C1orf141: variants seen among roughly 807,000 people sequenced by gnomAD.
The protein encoded by C1orf141 is chromosome 1 open reading frame 141, also known as uncharacterized protein C1orf141.
Under a neutral mutation model 23.2 loss-of-function variants are expected in C1orf141, and 19 were observed. The observed-to-expected ratio is 0.82, with a 90% CI of 0.57 to 1.20. C1orf141 has a LOEUF of 1.20. Ranked by LOEUF, C1orf141 falls within the 50% of genes most tolerant of loss-of-function variation. The pLI is 0.00. For synonymous variants in C1orf141, 153 were observed against 154.6 expected (o/e 0.99, Z 0.08); for missense variants, 469 against 455.1 (o/e 1.03, Z -0.28).
At chr1:67,131,786 CTTTTTTTTTT>C (rs796496335) in intron 1 of C1orf141, among the ~76,000 whole-genome samples, 7 of 121,516 alleles carry the variant, frequency 5.8e-5, no homozygotes, top group Admixed American at 2.6e-4. Flanking sequence ...ACTACCTCTT[CTTTTTTTTTT>C]TTTTTTTTTT....
rs72933970 is a variant in C1orf141, at chr1:67,095,407, T to C, written c.431A>G (p.Gln144Arg). The C allele has an allele frequency of 0.053, 81,241 of 1,527,058 alleles. 3,465 individuals carry two copies. The highest frequency in any genetic ancestry group is 0.22 in the African/African-American group (15,423 of 71,274). 94.6% of individuals were successfully genotyped at this position (1,527,058 alleles called of 1,614,324 possible). Residue 144 changes from glutamine to arginine, a missense_variant, in exon 7 of 8, where the codon CAG (glutamine) becomes CGG (arginine). Gln to Arg is a conservative substitution (Grantham distance 43, BLOSUM62 1). Transcript: ENST00000684719. ...TTCTTTTATATTAAAATCGTTCATC[T>C]GTGGAGATTTTTTTCTGAAAATAAA... Reference protein sequence around the residue: ...GDRNKRKKSPQMNDFNIKENK... With the variant: ...GDRNKRKKSPRMNDFNIKENK...
chr1:67,132,118 T>A (rs1646526327), intron 1 of C1orf141, among the ~76,000 whole-genome samples: 2 of 151,744 alleles, frequency 1.3e-5, no homozygotes, highest in Admixed American at 1.3e-4. Flanking sequence ...TCATTCCTTG[T>A]CTCGGTGACA....
upstream of C1orf141, among the ~76,000 whole-genome samples, chr1:67,136,464 T>A (rs1241585660): frequency 2.0e-5 from 3 of 152,232 alleles, no homozygotes; most frequent in African/African-American, 7.2e-5. Flanking sequence ...TTGTAATACC[T>A]TCAGCTCAAA....
chr1:67,099,753 G>A (rs1236843412), intron 5 of C1orf141, among the ~76,000 whole-genome samples: 1 of 152,158 alleles, frequency 6.6e-6, no homozygotes, highest in Non-Finnish European at 1.5e-5. Context: ...TCCAGCCTGG[G>A]CAACAAAAGT....
intron 5 of C1orf141, among the ~76,000 whole-genome samples, chr1:67,108,303 T>C (rs1645980041): frequency 6.6e-6 from 1 of 152,156 alleles, no homozygotes; most frequent in Non-Finnish European, 1.5e-5. Flanking sequence ...TATTGCTGTG[T>C]CCTCACATGG....
rs530682004 is a variant in C1orf141 at position 67,114,452 on chromosome 1, A to G, written c.346+900T>C. On this transcript the variant is annotated intron_variant, in intron 5 of 7. Coordinates refer to ENST00000684719, the MANE Select transcript of C1orf141 (RefSeq NM_001276351.2). ...GTGAATCATGAGAAATAAAATAACA[A>G]TGTGTATAACAAATCCTTTGAGAAA... Among the ~76,000 whole-genome samples, 40 of 152,286 alleles carry G rather than the reference A, an allele frequency of 2.6e-4. 1 individual carries two copies. The South Asian group carries it at 8.3e-3, about 32-fold the overall frequency.
chr1:67,107,808 T>C (rs1044779865), intron 5 of C1orf141, among the ~76,000 whole-genome samples: 1 of 152,158 alleles, frequency 6.6e-6, no homozygotes, highest in Non-Finnish European at 1.5e-5. Context: ...GAGAATCGCT[T>C]GAACCCAGGA....
intron 2 of C1orf141, among the ~76,000 whole-genome samples, chr1:67,128,194 C>T (rs1402744615): frequency 1.3e-5 from 2 of 151,902 alleles, no homozygotes; most frequent in African/African-American, 4.8e-5. Flanking sequence ...TCAAGCAGTC[C>T]ATATTAAGCT....
chr1:67,137,991 T>A (rs1202268578), upstream of C1orf141, among the ~76,000 whole-genome samples: 2 of 152,314 alleles, frequency 1.3e-5, no homozygotes, highest in African/African-American at 4.8e-5. Context: ...TTCCTAATGT[T>A]CCTTTCACAT....
intron 5 of C1orf141, among the ~76,000 whole-genome samples, chr1:67,112,874 C>A (rs181303405): frequency 4.6e-4 from 70 of 152,268 alleles, no homozygotes; most frequent in Non-Finnish European, 7.9e-4. Flanking sequence ...TGCAAATGAG[C>A]TACAAGTTGC....
chr1:67,131,991 G>T (rs1267255936), intron 1 of C1orf141, among the ~76,000 whole-genome samples: 1 of 151,414 alleles, frequency 6.6e-6, no homozygotes, highest in Non-Finnish European at 1.5e-5. Flanking sequence ...CACCATATTG[G>T]CCAGGCTGGT....
intron 1 of C1orf141, among the ~76,000 whole-genome samples, 191 bp downstream of exon 1, chr1:67,134,739 T>A (rs1176544269): frequency 6.6e-6 from 1 of 152,178 alleles, no homozygotes; most frequent in Admixed American, 6.5e-5. Context: ...CGGGCTCGCC[T>A]CTCGCCGCGG....
At chr1:67,140,033 G>C (rs1646621571) in intron 1 of C1orf141, among the ~76,000 whole-genome samples, 1 of 152,148 alleles carries the variant, frequency 6.6e-6, no homozygotes, top group Admixed American at 6.6e-5. Context: ...GTGGGACTCT[G>C]CAGAGACCTC....
chr1:67,128,539 A>C (rs1646461212), intron 2 of C1orf141, among the ~76,000 whole-genome samples: 1 of 152,060 alleles, frequency 6.6e-6, no homozygotes, highest in Non-Finnish European at 1.5e-5. Flanking sequence ...CCCTGTCTCT[A>C]CTAAAAATAC....
chr1:67,107,302 A>C (rs1239156770), intron 5 of C1orf141, among the ~76,000 whole-genome samples: 4 of 152,222 alleles, frequency 2.6e-5, no homozygotes, highest in African/African-American at 9.6e-5. Flanking sequence ...CAAATAATCC[A>C]AAGAAAGGCA....
Position 67,127,268 on chromosome 1 carries a change from A to G in C1orf141, c.-17-11T>C. 1 of 1,432,464 alleles carries G rather than the reference A, an allele frequency of 7.0e-7. No individual in the cohort carries two copies. The highest frequency in any genetic ancestry group is 9.8e-7 in the Non-Finnish European group (1 of 1,025,002). 88.7% of individuals were successfully genotyped at this position (1,432,464 alleles called of 1,614,324 possible). On this transcript the variant is annotated splice_polypyrimidine_tract_variant and intron_variant, in intron 2 of 7. Transcript: ENST00000684719. ...TCAATCACTAAATTCCTATTTTAAAATAAGGAGGAAGAAGAACAAATCAAT... is the reference window on the plus strand; with the variant it reads ...TCAATCACTAAATTCCTATTTTAAAGTAAGGAGGAAGAAGAACAAATCAAT...
intron 5 of C1orf141, among the ~76,000 whole-genome samples, chr1:67,097,867 A>T (rs141401178): frequency 1.3e-5 from 2 of 152,262 alleles, no homozygotes; most frequent in African/African-American, 2.4e-5. Flanking sequence ...GGGAGATCCA[A>T]CTTTTTCCCA....
At chr1:67,124,547 G>C (rs1415628820) in intron 4 of C1orf141, among the ~76,000 whole-genome samples, 2 of 152,116 alleles carry the variant, frequency 1.3e-5, no homozygotes, top group Non-Finnish European at 2.9e-5. Context: ...TCAAACTCCT[G>C]ACCTCAGGCA....
chr1:67,103,267 T>A, intron 5 of C1orf141: 3 of 1,447,094 alleles, frequency 2.1e-6, no homozygotes, highest in Non-Finnish European at 1.8e-6. Flanking sequence ...TTTTTCCTTT[T>A]TATGAGCATT....
Sources: gnomAD v4.1 joint callset for allele counts (sites outside exome capture counted in the v4.1 genomes callset) on GRCh38, gnomAD v4.1.1 for gene constraint, MANE v1.5 for transcripts, NCBI Gene and HGNC (gene_info 2026-07-23, HGNC 2026-07-21) for gene names.